Variants in CTNNA3 observed in about 807,000 individuals in gnomAD.
CTNNA3 encodes the protein catenin alpha-3.
In CTNNA3, 76 loss-of-function variants were observed where a neutral mutation model predicts 95.7. The observed-to-expected ratio is 0.79, with a 90% CI of 0.66 to 0.96. The LOEUF (loss-of-function observed/expected upper bound fraction) is 0.96. Among genes scored for constraint, CTNNA3 ranks in the 40% least tolerant of loss-of-function variants. The pLI, the probability that CTNNA3 is intolerant of heterozygous loss-of-function variation, is 0.00. For missense variants in CTNNA3, 1,191 were observed against 1,089.8 expected (o/e 1.09, Z -1.31); for synonymous variants, 431 against 374.4 (o/e 1.15, Z -1.74).
intron 9 of CTNNA3, among the ~76,000 whole-genome samples, chr10:66,683,499 C>T (rs944927395): frequency 2.0e-5 from 3 of 152,038 alleles, no homozygotes; most frequent in African/African-American, 7.2e-5. Context: ...GAACAGTGGG[C>T]CAGCATGTAT....
chr10:67,280,068 T>C (rs1002228636), intron 5 of CTNNA3, among the ~76,000 whole-genome samples: 4 of 150,380 alleles, frequency 2.7e-5, no homozygotes, highest in Admixed American at 1.3e-4. Flanking sequence ...GTATGGTGCT[T>C]TGGCATGCTG....
chr10:66,586,794 C>T (rs995996791), intron 10 of CTNNA3, among the ~76,000 whole-genome samples: 7 of 152,114 alleles, frequency 4.6e-5, no homozygotes, highest in African/African-American at 1.7e-4. Flanking sequence ...TTGTGTCTCT[C>T]CCGAAAGAAA....
intron 7 of CTNNA3, among the ~76,000 whole-genome samples, chr10:66,911,103 G>A (rs575835790): frequency 1.3e-5 from 2 of 152,278 alleles, no homozygotes; most frequent in South Asian, 4.1e-4. Flanking sequence ...TAGATTATGT[G>A]TGCTAGAATA....
intron 5 of CTNNA3, among the ~76,000 whole-genome samples, chr10:67,338,654 G>A (rs1339797084): frequency 1.3e-5 from 2 of 152,124 alleles, no homozygotes; most frequent in Non-Finnish European, 2.9e-5. Flanking sequence ...GCAAATGACA[G>A]GAAAATCAAA....
intron 13 of CTNNA3, among the ~76,000 whole-genome samples, chr10:66,231,593 T>C (rs1197315335): frequency 3.9e-5 from 6 of 152,170 alleles, no homozygotes; most frequent in Non-Finnish European, 7.3e-5. Context: ...GATAGCTTTA[T>C]ACAATGTAAT....
chr10:66,377,903 G>A (rs959283174), intron 12 of CTNNA3, among the ~76,000 whole-genome samples: 35 of 151,948 alleles, frequency 2.3e-4, no homozygotes, highest in African/African-American at 8.5e-4. Flanking sequence ...TTTGAGGAGT[G>A]GATATAGCAA....
chr10:67,396,171 T>A (rs764161620), intron 5 of CTNNA3, among the ~76,000 whole-genome samples: 32 of 152,186 alleles, frequency 2.1e-4, no homozygotes, highest in South Asian at 1.5e-3. Context: ...CTTGTAAACA[T>A]CAATTATTCA....
At chr10:66,734,872 CAAAAAAA>C (rs34979571) in intron 9 of CTNNA3, among the ~76,000 whole-genome samples, 2 of 132,728 alleles carry the variant, frequency 1.5e-5, no homozygotes, top group African/African-American at 5.6e-5. Context: ...AAGACTGTTT[CAAAAAAA>C]AAAAAAAAAG....
chr10:66,198,544 CTG>C (rs1190942400), intron 13 of CTNNA3, among the ~76,000 whole-genome samples: 4 of 152,118 alleles, frequency 2.6e-5, no homozygotes, highest in Non-Finnish European at 4.4e-5. Context: ...ATCTGCTAGA[CTG>C]TGAATAATAA....
chr10:66,535,800 T>C (rs894291317), intron 10 of CTNNA3, among the ~76,000 whole-genome samples: 1 of 152,116 alleles, frequency 6.6e-6, no homozygotes, highest in African/African-American at 2.4e-5. Context: ...ATAATTAACA[T>C]GTAGAATTCA....
At chr10:66,706,045 C>T (rs916312853) in intron 9 of CTNNA3, among the ~76,000 whole-genome samples, 6 of 152,072 alleles carry the variant, frequency 3.9e-5, no homozygotes, top group African/African-American at 1.4e-4. Flanking sequence ...CCTGACTGTA[C>T]TTCATGTTAT....
intron 5 of CTNNA3, among the ~76,000 whole-genome samples, chr10:67,342,099 C>CTTTTTTTTTTTTTTTTTTTT (rs764381058): frequency 1.2e-5 from 1 of 83,656 alleles, no homozygotes; most frequent in Non-Finnish European, 2.2e-5. Context: ...TATTTTTCTT[C>CTTTTTTTTTTTTTTTTTTTT]TTTTTTTTTT....
intron 13 of CTNNA3, among the ~76,000 whole-genome samples, chr10:66,229,980 AT>A (rs1194908909): frequency 2.0e-5 from 3 of 150,772 alleles, no homozygotes; most frequent in African/African-American, 7.3e-5. Flanking sequence ...ACCTTCAGAA[AT>A]TTTTTTTCTG....
At chr10:66,938,425 T>C (rs1452464182) in intron 7 of CTNNA3, among the ~76,000 whole-genome samples, 2 of 152,066 alleles carry the variant, frequency 1.3e-5, no homozygotes, top group Non-Finnish European at 2.9e-5. Context: ...TATTTTATAA[T>C]AAAGTAAGCT....
At chr10:67,726,563 T>C (rs1046208732) in intron 1 of CTNNA3, among the ~76,000 whole-genome samples, 6 of 68,686 alleles carry the variant, frequency 8.7e-5, no homozygotes, top group African/African-American at 3.9e-4. Flanking sequence ...TATAATATAA[T>C]ATATATTACA....
At chr10:66,709,887 C>T (rs756335432) in intron 9 of CTNNA3, among the ~76,000 whole-genome samples, 7 of 152,088 alleles carry the variant, frequency 4.6e-5, no homozygotes, top group Admixed American at 2.0e-4. Context: ...GTGTAAATTT[C>T]GCTGTTGTAG....
intron 11 of CTNNA3, among the ~76,000 whole-genome samples, chr10:66,485,830 G>A (rs1410225622): frequency 2.0e-5 from 3 of 152,066 alleles, no homozygotes; most frequent in African/African-American, 4.8e-5. Flanking sequence ...CACACTATCT[G>A]ACTTCAAGAT....
At chr10:65,989,186 G>A (rs947675826) in intron 15 of CTNNA3, among the ~76,000 whole-genome samples, 1 of 152,102 alleles carries the variant, frequency 6.6e-6, no homozygotes, top group Non-Finnish European at 1.5e-5. Flanking sequence ...TGATCCACCC[G>A]CCTCGGCCTC....
chr10:67,231,818 G>A (rs567302974), intron 5 of CTNNA3, among the ~76,000 whole-genome samples: 2 of 152,204 alleles, frequency 1.3e-5, no homozygotes, highest in Non-Finnish European at 2.9e-5. Flanking sequence ...GTGCTTAAAG[G>A]AGTTGATGGA....
Sources: allele counts gnomAD v4.1 joint callset (sites outside exome capture counted in the v4.1 genomes callset), GRCh38; gene constraint gnomAD v4.1.1; transcripts MANE v1.5; gene names NCBI Gene and HGNC (gene_info 2026-07-23, HGNC 2026-07-21).